PEBP4: variants seen among roughly 807,000 people sequenced by gnomAD.
PEBP4 encodes the protein phosphatidylethanolamine-binding protein 4.
Under a neutral mutation model 23.9 loss-of-function variants are expected in PEBP4, and 22 were observed. That is an observed-to-expected ratio of 0.92 (90% CI 0.66 to 1.31). PEBP4 has a LOEUF of 1.31. Ranked by LOEUF, PEBP4 falls within the 40% of genes most tolerant of loss-of-function variation. The pLI is 0.00. For synonymous variants in PEBP4, 112 were observed against 99.3 expected (o/e 1.13, Z -0.76); for missense variants, 324 against 281.7 (o/e 1.15, Z -1.07).
At chr8:22,808,725 G>T (rs772469108) in intron 4 of PEBP4, among the ~76,000 whole-genome samples, 5 of 152,216 alleles carry the variant, frequency 3.3e-5, no homozygotes, top group Non-Finnish European at 7.3e-5. Context: ...CCCACTTGGA[G>T]TTGACTAAAC....
intron 4 of PEBP4, among the ~76,000 whole-genome samples, chr8:22,765,148 C>CCTTCCTTCCTTCCTTCCTTT (rs1434476242): frequency 6.0e-5 from 9 of 149,454 alleles, no homozygotes; most frequent in Admixed American, 5.3e-4. Flanking sequence ...TTCCTTCCTT[C>CCTTCCTTCCTTCCTTCCTTT]CTTTCTTTCT....
At position 22,769,027 on chromosome 8, in the gene PEBP4, T is replaced by C. The variant is rs560753997; in HGVS notation, c.358-41807A>G. Among the ~76,000 whole-genome samples the C allele has an allele frequency of 2.0e-5, 3 of 152,310 alleles. No individual in the cohort carries two copies. In the South Asian group the frequency reaches 6.2e-4, roughly 32 times the overall value. ...TGTGGACATTTGGGAAGTGGGGGTC[T>C]GCTGGAAACTAAGGTCCAGGTGGAT... On this transcript the variant is annotated intron_variant, in intron 4 of 6. Transcript: ENST00000256404.
intron 3 of PEBP4, among the ~76,000 whole-genome samples, chr8:22,894,302 G>A (rs1808552228): frequency 6.6e-6 from 1 of 152,184 alleles, no homozygotes; most frequent in Admixed American, 6.5e-5. Context: ...GCCATGCATA[G>A]TGGCTCACTC....
intron 3 of PEBP4, among the ~76,000 whole-genome samples, chr8:22,918,724 GA>G (rs1418003214): frequency 1.3e-5 from 2 of 152,176 alleles, no homozygotes; most frequent in Admixed American, 1.3e-4. Flanking sequence ...TGGTGAAGCC[GA>G]GAGTCCTGTC....
In PEBP4 at chr8:22,713,474, G is replaced by A; in HGVS notation, c.580C>T (p.Gln194Ter). 6.2e-7 allele frequency: 1 copy of A among 1,614,130 alleles called. No individual in the cohort carries two copies. Among genetic ancestry groups the A allele is most frequent in the Non-Finnish European group, 8.5e-7 (1 of 1,180,016 alleles). The change falls in exon 7 of 7, where the codon CAG (glutamine) becomes TAG (stop). Residue 194 changes from glutamine (Q) to a stop codon, truncating the protein, a stop_gained. Coordinates refer to ENST00000256404, the MANE Select transcript of PEBP4 (RefSeq NM_144962.3). LOFTEE classifies it low-confidence loss of function (END_TRUNC). Reference protein sequence around the residue: ...FHLGEPEASTQFMTQNYQDSP... With the variant: ...FHLGEPEAST ...TCCTGGTAGTTCTGGGTCATGAACT[G>A]GGTGCTTGCTTCAGGTTCGCCCAGG...
intron 4 of PEBP4, among the ~76,000 whole-genome samples, chr8:22,795,164 T>TATATATATATATA (rs1491200518): frequency 1.9e-3 from 33 of 17,490 alleles, no homozygotes; most frequent in East Asian, 6.6e-3. Context: ...TATATATATA[T>TATATATATATATA]TTTTTTTTTT....
At chr8:22,888,155 C>CGTT (rs1808421461) in intron 3 of PEBP4, 1 of 129,802 alleles carries the variant, frequency 7.7e-6, no homozygotes. Flanking sequence ...CCACCCACTT[C>CGTT]TTTTTTTTTT....
intron 4 of PEBP4, among the ~76,000 whole-genome samples, chr8:22,740,023 T>C (rs1182012000): frequency 6.6e-6 from 1 of 152,186 alleles, no homozygotes; most frequent in Non-Finnish European, 1.5e-5. Flanking sequence ...CTCCCTCCTT[T>C]GCCCTATTTT....
rs33911395 is a variant in PEBP4 at position 22,795,163 on chromosome 8, A to ATTTTTTTTT, written c.357+22465_357+22473dup. Among the ~76,000 whole-genome samples, 32 of 47,340 alleles carry ATTTTTTTTT rather than the reference A, an allele frequency of 6.8e-4. 3 individuals carry two copies. Among genetic ancestry groups the ATTTTTTTTT allele is most frequent in the African/African-American group, 9.2e-4 (9 of 9,732 alleles). The allele number at this position is 47,340 out of a possible 152,430, so 31.1% of individuals were successfully genotyped here. A position where few individuals can be genotyped will look rare whatever the true frequency, so the allele number is the denominator to read the frequency against. ...TGTGTGTATATATATATATATATAT[A>ATTTTTTTTT]TTTTTTTTTTTTTTTTTTTTTTTTT... On this transcript the variant is annotated intron_variant, in intron 4 of 6. Coordinates refer to ENST00000256404, the MANE Select transcript of PEBP4 (RefSeq NM_144962.3).
intron 4 of PEBP4, among the ~76,000 whole-genome samples, chr8:22,803,137 G>T (rs1806423911): frequency 6.6e-6 from 1 of 152,136 alleles, no homozygotes; most frequent in Non-Finnish European, 1.5e-5. Context: ...TTCTAAGTGG[G>T]CTGGGGTTAA....
At chr8:22,746,891 C>T (rs1419378331) in intron 4 of PEBP4, among the ~76,000 whole-genome samples, 1 of 152,192 alleles carries the variant, frequency 6.6e-6, no homozygotes, top group Non-Finnish European at 1.5e-5. Context: ...CGTTCTGTCA[C>T]CCAGGCTAGA....
At chr8:22,737,355 C>T (rs1323028942) in intron 4 of PEBP4, among the ~76,000 whole-genome samples, 1 of 152,070 alleles carries the variant, frequency 6.6e-6, no homozygotes, top group Admixed American at 6.5e-5. Context: ...TCCACCTGCC[C>T]CAGCCTCCTT....
chr8:22,921,292 G>T (rs959543491), intron 2 of PEBP4, among the ~76,000 whole-genome samples: 3 of 152,226 alleles, frequency 2.0e-5, no homozygotes, highest in African/African-American at 7.2e-5. Context: ...AGTGGGTGTT[G>T]CAGGTCCCCA....
At chr8:22,905,188 A>G (rs1002364250) in intron 3 of PEBP4, among the ~76,000 whole-genome samples, 13 of 152,176 alleles carry the variant, frequency 8.5e-5, no homozygotes, top group African/African-American at 3.1e-4. Flanking sequence ...TATTTTCTAA[A>G]ATCACATTTT....
At chr8:22,844,497 C>T (rs1807387329) in intron 3 of PEBP4, among the ~76,000 whole-genome samples, 2 of 152,222 alleles carry the variant, frequency 1.3e-5, no homozygotes, top group Admixed American at 1.3e-4. Flanking sequence ...CCTCAGCCTC[C>T]CAAAGTGCTG....
At chr8:22,877,517 C>G (rs1808146117) in intron 3 of PEBP4, among the ~76,000 whole-genome samples, 3 of 152,156 alleles carry the variant, frequency 2.0e-5, no homozygotes, top group African/African-American at 7.2e-5. Flanking sequence ...TCTCCGTAGC[C>G]AAATGGCTGG....
chr8:22,901,564 G>A (rs1214949294), intron 3 of PEBP4, among the ~76,000 whole-genome samples: 7 of 152,088 alleles, frequency 4.6e-5, no homozygotes, highest in African/African-American at 1.2e-4. Flanking sequence ...TGTGCAGCTC[G>A]ACTAAGGCAA....
At chr8:22,926,136 C>T (rs929570719) in intron 2 of PEBP4, among the ~76,000 whole-genome samples, 3 of 151,288 alleles carry the variant, frequency 2.0e-5, no homozygotes, top group East Asian at 2.0e-4. Context: ...CCACCATGCC[C>T]GGCTAATTTT....
intron 4 of PEBP4, among the ~76,000 whole-genome samples, chr8:22,781,146 A>G (rs936072276): frequency 1.2e-4 from 19 of 152,240 alleles, no homozygotes; most frequent in Non-Finnish European, 2.2e-4. Context: ...TGTTCAGAGC[A>G]GAGGTGACAG....
Sources: gnomAD v4.1 joint callset for allele counts (sites outside exome capture counted in the v4.1 genomes callset) on GRCh38, gnomAD v4.1.1 for gene constraint, MANE v1.5 for transcripts, NCBI Gene and HGNC (gene_info 2026-07-23, HGNC 2026-07-21) for gene names.